Variants in SRGAP1 observed in about 807,000 individuals in gnomAD.
SRGAP1 encodes SLIT-ROBO Rho GTPase-activating protein 1.
In SRGAP1, 43 loss-of-function variants were observed where a neutral mutation model predicts 121.9. The observed-to-expected ratio is 0.35, with a 90% confidence interval of 0.28 to 0.46. The LOEUF (loss-of-function observed/expected upper bound fraction) is 0.46, where lower values mean the gene tolerates loss of function less well. SRGAP1 is among the 20% of genes least tolerant of loss of function. The probability of loss-of-function intolerance (pLI) is 1.00; values close to 1 mark genes in which losing one functional copy is unlikely to be tolerated. For missense variants in SRGAP1, 1,102 were observed against 1,350.9 expected (o/e 0.82, Z 2.89); for synonymous variants, 447 against 485.4 (o/e 0.92, Z 1.04).
chr12:64,116,255 CAAA>C (rs35619316), intron 18 of SRGAP1, among the ~76,000 whole-genome samples: 3,142 of 72,606 alleles, frequency 0.043, 128 homozygotes, highest in African/African-American at 0.15. Flanking sequence ...GACCTCATCT[CAAA>C]AAAAAAAAAA....
chr12:63,911,292 C>CT (rs1439973746), intron 1 of SRGAP1, among the ~76,000 whole-genome samples: 8 of 125,274 alleles, frequency 6.4e-5, no homozygotes, highest in African/African-American at 2.4e-4. Flanking sequence ...GAGTGAGACT[C>CT]TGTCTCAAAA....
Position 64,079,933 on chromosome 12 carries a change from T to A in SRGAP1, c.1324-353T>A, listed in dbSNP as rs186135029. Among the ~76,000 whole-genome samples, 9 of 152,210 alleles carry A rather than the reference T, an allele frequency of 5.9e-5. No homozygotes were observed. In the East Asian group the frequency reaches 1.7e-3, roughly 29 times the overall value. On this transcript the variant is annotated intron_variant, in intron 9 of 21. Transcript: ENST00000355086. ...TAGATCTATGAAAAGTTCCTTGACATTGAATAATTTTTAAAAATTAAAAAT... is the reference window on the plus strand; with the variant it reads ...TAGATCTATGAAAAGTTCCTTGACAATGAATAATTTTTAAAAATTAAAAAT...
chr12:63,891,769 T>C (rs962701856), intron 1 of SRGAP1, among the ~76,000 whole-genome samples: 2 of 152,138 alleles, frequency 1.3e-5, no homozygotes, highest in Admixed American at 6.5e-5. Context: ...GGAGGATCAC[T>C]TGAGGCCAGG....
intron 1 of SRGAP1, among the ~76,000 whole-genome samples, chr12:63,882,176 A>G (rs1900216669): frequency 6.6e-6 from 1 of 152,220 alleles, no homozygotes; most frequent in Non-Finnish European, 1.5e-5. Context: ...ATTAAGTAAC[A>G]GCTTGGGATA....
At chr12:64,074,968 C>A (rs1472958026) in intron 8 of SRGAP1, among the ~76,000 whole-genome samples, 1 of 151,922 alleles carries the variant, frequency 6.6e-6, no homozygotes, top group African/African-American at 2.4e-5. Flanking sequence ...CTTCATATAT[C>A]CTGATATTGT....
intron 1 of SRGAP1, among the ~76,000 whole-genome samples, chr12:63,953,328 A>G (rs866259597): frequency 6.6e-6 from 1 of 151,962 alleles, no homozygotes; most frequent in Non-Finnish European, 1.5e-5. Flanking sequence ...TCAGAAGGAA[A>G]AGCCTTTTCA....
At chr12:64,037,377 G>A (rs962423272) in intron 4 of SRGAP1, among the ~76,000 whole-genome samples, 6 of 152,144 alleles carry the variant, frequency 3.9e-5, no homozygotes, top group African/African-American at 1.2e-4. Context: ...AACTGTCATC[G>A]TGGATTCTTT....
intron 15 of SRGAP1, among the ~76,000 whole-genome samples, chr12:64,103,960 A>G (rs2036299225): frequency 6.6e-6 from 1 of 152,222 alleles, no homozygotes; most frequent in Non-Finnish European, 1.5e-5. Context: ...CTGTTAGGCT[A>G]TGGAACTCAC....
chr12:64,015,741 G>A (rs1160165582), intron 3 of SRGAP1, among the ~76,000 whole-genome samples: 1 of 152,110 alleles, frequency 6.6e-6, no homozygotes, highest in African/African-American at 2.4e-5. Flanking sequence ...GGACACCGAG[G>A]GGTTGCAGAA....
At chr12:64,128,250 T>G (rs2036731948) in intron 21 of SRGAP1, 50 bp downstream of exon 21, 1 of 1,472,240 alleles carries the variant, frequency 6.8e-7, no homozygotes, top group South Asian at 1.3e-5. Context: ...AAGTGTGATG[T>G]AGGAGGTGTG....
At chr12:63,966,543 T>C (rs1172361929) in intron 1 of SRGAP1, among the ~76,000 whole-genome samples, 3 of 148,112 alleles carry the variant, frequency 2.0e-5, no homozygotes, top group Non-Finnish European at 4.4e-5. Flanking sequence ...TTTTCTCAGC[T>C]GTTAGCTATA....
chr12:63,877,118 G>A (rs1422722197), intron 1 of SRGAP1, among the ~76,000 whole-genome samples: 2 of 152,162 alleles, frequency 1.3e-5, no homozygotes, highest in African/African-American at 2.4e-5. Flanking sequence ...TTAGCTACTT[G>A]GGAGACTGAA....
intron 18 of SRGAP1, among the ~76,000 whole-genome samples, chr12:64,121,007 C>CTTTTTTTTTT (rs35809572): frequency 2.6e-5 from 3 of 116,014 alleles, no homozygotes; most frequent in South Asian, 2.8e-4. Context: ...TTCTTTGTGT[C>CTTTTTTTTTT]TTTTTTTTTT....
At chr12:64,014,847 C>A (rs1390965882) in intron 3 of SRGAP1, among the ~76,000 whole-genome samples, 1 of 152,076 alleles carries the variant, frequency 6.6e-6, no homozygotes, top group Non-Finnish European at 1.5e-5. Flanking sequence ...GACAGAGTCT[C>A]ACTCTGTCAC....
At chr12:63,894,195 TCTG>T (rs1900676177) in intron 1 of SRGAP1, among the ~76,000 whole-genome samples, 1 of 152,204 alleles carries the variant, frequency 6.6e-6, no homozygotes, top group Admixed American at 6.5e-5. Context: ...TTCAAGGCAC[TCTG>T]CTATTTTTCT....
At chr12:63,847,978 T>TG (rs1159444940) in intron 1 of SRGAP1, among the ~76,000 whole-genome samples, 1 of 151,072 alleles carries the variant, frequency 6.6e-6, no homozygotes, top group African/African-American at 2.4e-5. Flanking sequence ...ACTTCAGATA[T>TG]GGAATTTTTT....
intron 1 of SRGAP1, among the ~76,000 whole-genome samples, chr12:63,908,570 A>G (rs2030337289): frequency 6.6e-6 from 1 of 152,096 alleles, no homozygotes; most frequent in African/African-American, 2.4e-5. Flanking sequence ...TTGTATTTTT[A>G]GTAGAGACAG....
chr12:63,858,274 GA>G (rs951018679), intron 1 of SRGAP1, among the ~76,000 whole-genome samples: 1 of 150,848 alleles, frequency 6.6e-6, no homozygotes, highest in South Asian at 2.1e-4. Flanking sequence ...AAATTCTTGG[GA>G]AAAAAACAGA....
At chr12:64,128,341 C>G in intron 21 of SRGAP1, 141 bp downstream of exon 21, 2 of 876,212 alleles carry the variant, frequency 2.3e-6, no homozygotes, top group South Asian at 2.1e-5. Flanking sequence ...GAAACAAAAC[C>G]AGCTCATTCT....
Sources: allele counts gnomAD v4.1 joint callset (sites outside exome capture counted in the v4.1 genomes callset), GRCh38; gene constraint gnomAD v4.1.1; transcripts MANE v1.5; gene names NCBI Gene and HGNC (gene_info 2026-07-23, HGNC 2026-07-21).